Variants in DIP2B observed in about 807,000 individuals in gnomAD.
DIP2B encodes the protein DIP2 acetate--CoA ligase B (putative).
A neutral mutation model predicts 198.0 loss-of-function variants in DIP2B; 76 were observed. The observed-to-expected ratio is 0.38, with a 90% CI of 0.32 to 0.46. DIP2B has a LOEUF of 0.46. Among genes scored for constraint, DIP2B ranks in the 20% least tolerant of loss-of-function variants. DIP2B has a pLI of 0.99. For synonymous variants in DIP2B, 701 were observed against 739.1 expected, an observed-to-expected ratio of 0.95 and a Z score of 0.84; for missense variants, 1,559 against 1,978.4, an observed-to-expected ratio of 0.79 and a Z score of 4.02.
chr12:50,700,889 C>T (rs1939405528), intron 19 of DIP2B, among the ~76,000 whole-genome samples: 1 of 152,162 alleles, frequency 6.6e-6, no homozygotes, highest in Non-Finnish European at 1.5e-5. Flanking sequence ...TTCTGTCACC[C>T]AGGCTGGAAT....
At chr12:50,512,169 T>A (rs1958023843) in intron 1 of DIP2B, among the ~76,000 whole-genome samples, 1 of 146,814 alleles carries the variant, frequency 6.8e-6, no homozygotes, top group Non-Finnish European at 1.5e-5. Context: ...TACAGTGGCG[T>A]GATCTCTGCT....
At chr12:50,634,569 C>A (rs1016536123) in intron 2 of DIP2B, among the ~76,000 whole-genome samples, 1 of 152,118 alleles carries the variant, frequency 6.6e-6, no homozygotes, top group African/African-American at 2.4e-5. Flanking sequence ...TGGCTTGCTC[C>A]GTCACTCTAC....
chr12:50,518,988 C>T (rs1958091133), intron 1 of DIP2B, among the ~76,000 whole-genome samples: 1 of 152,156 alleles, frequency 6.6e-6, no homozygotes, highest in South Asian at 2.1e-4. Flanking sequence ...AAGCAGTCCT[C>T]CTGCCTTGGC....
chr12:50,695,213 A>C, intron 14 of DIP2B, 54 bp from the exon 15 acceptor site: 1 of 1,455,446 alleles, frequency 6.9e-7, no homozygotes, highest in South Asian at 1.2e-5. Flanking sequence ...TCAATTTTAA[A>C]ATACTAAGTA....
intron 31 of DIP2B, among the ~76,000 whole-genome samples, chr12:50,732,135 GAAGA>G (rs1454960951): frequency 6.6e-6 from 1 of 152,220 alleles, no homozygotes; most frequent in Non-Finnish European, 1.5e-5. Context: ...TAGATTTTTA[GAAGA>G]AAGAGGAAAG....
chr12:50,742,767 G>T (rs1162513205), intron 37 of DIP2B, among the ~76,000 whole-genome samples: 1 of 152,018 alleles, frequency 6.6e-6, no homozygotes, highest in Admixed American at 6.6e-5. Context: ...GCAGTGGCAG[G>T]CACCCGTAAT....
intron 1 of DIP2B, among the ~76,000 whole-genome samples, chr12:50,509,615 T>G (rs1957996988): frequency 6.6e-6 from 1 of 152,208 alleles, no homozygotes; most frequent in South Asian, 2.1e-4. Context: ...GGCAAAGGGA[T>G]AAGAGAAGAC....
intron 1 of DIP2B, among the ~76,000 whole-genome samples, chr12:50,523,647 C>G (rs990781082): frequency 1.3e-5 from 2 of 152,148 alleles, no homozygotes; most frequent in African/African-American, 4.8e-5. Flanking sequence ...GGCCTTACCA[C>G]ATATTAAAAC....
Position 50,672,382 on chromosome 12 carries a change from A to G in DIP2B, c.640+984A>G, listed in dbSNP as rs144739352. ...CCCTGCCATTTCCTGAGCCTCCTGAAGCAGCTACAAAGATTTGCGTATTCA... is the reference window on the plus strand; with the variant it reads ...CCCTGCCATTTCCTGAGCCTCCTGAGGCAGCTACAAAGATTTGCGTATTCA... On this transcript the variant is annotated intron_variant, in intron 5 of 37. Transcript: ENST00000301180. 3.5e-3 allele frequency among the ~76,000 whole-genome samples: 536 copies of G among 152,254 alleles called. 1 individual carries two copies. The highest frequency in any genetic ancestry group is 0.034 in the Middle Eastern group (10 of 294).
In DIP2B at chr12:50,640,771, C is replaced by G. The variant is rs921717807; in HGVS notation, c.220C>G (p.Pro74Ala). Reference protein sequence around the residue: ...QKELRNQTPAPSAAQTSAPSK... With the variant: ...QKELRNQTPAASAAQTSAPSK... ...AGAACTTAGAAACCAGACACCTGCT[C>G]CATCTGCAGCTCAAACTTCTGCTCC... The change falls in exon 3 of 38, where the codon CCA becomes GCA. Residue 74 changes from proline (P) to alanine (A), a missense_variant. Coordinates refer to ENST00000301180, the MANE Select transcript of DIP2B (RefSeq NM_173602.3). 9 of 1,613,878 alleles carry G rather than the reference C, an allele frequency of 5.6e-6. No homozygotes were observed. The highest frequency in any genetic ancestry group is 7.6e-6 in the Non-Finnish European group (9 of 1,179,916).
At chr12:50,566,971 CAAAAAAAA>C (rs34854416) in intron 1 of DIP2B, among the ~76,000 whole-genome samples, 1 of 78,446 alleles carries the variant, frequency 1.3e-5, no homozygotes, top group Middle Eastern at 5.9e-3. Context: ...GACTCCGTCT[CAAAAAAAA>C]AAAAAAAAAA....
intron 1 of DIP2B, among the ~76,000 whole-genome samples, chr12:50,605,293 A>AAACCTC (rs1477921625): frequency 7.2e-5 from 11 of 152,186 alleles, no homozygotes; most frequent in Non-Finnish European, 1.6e-4. Context: ...ACTCCAAAAG[A>AAACCTC]AACCTCAGCC....
intron 3 of DIP2B, among the ~76,000 whole-genome samples, chr12:50,647,116 A>C (rs1168008659): frequency 1.3e-5 from 2 of 151,522 alleles, no homozygotes; most frequent in African/African-American, 4.9e-5. Context: ...GGAGTGACAC[A>C]ATCTCGTCTC....
At chr12:50,703,734 A>AAATTG (rs1291894502) in intron 19 of DIP2B, among the ~76,000 whole-genome samples, 1 of 152,222 alleles carries the variant, frequency 6.6e-6, no homozygotes, top group Non-Finnish European at 1.5e-5. Context: ...GCAGAGCCAG[A>AAATTG]AATTGAATTG....
chr12:50,726,891 TCAC>T (rs1939946753), intron 28 of DIP2B, among the ~76,000 whole-genome samples: 1 of 152,058 alleles, frequency 6.6e-6, no homozygotes, highest in Non-Finnish European at 1.5e-5. Context: ...GGCAGGAGGA[TCAC>T]TTGGGCTCAG....
intron 1 of DIP2B, among the ~76,000 whole-genome samples, chr12:50,530,468 G>C (rs901489229): frequency 1.3e-5 from 2 of 152,212 alleles, no homozygotes; most frequent in African/African-American, 4.8e-5. Flanking sequence ...TTGTAAGCAG[G>C]AGTGGATGAC....
chr12:50,582,794 C>A (rs947153599), intron 1 of DIP2B, among the ~76,000 whole-genome samples: 1 of 152,170 alleles, frequency 6.6e-6, no homozygotes, highest in African/African-American at 2.4e-5. Flanking sequence ...ATTTCACTTA[C>A]AAGTACGTAA....
In DIP2B at chr12:50,626,061, A is replaced by T; in HGVS notation, c.172+14A>T. The stretch of plus-strand genomic sequence containing the variant: ...CGCAGACACAAGGTAGGCAATAAAA[A>T]ATGGTTTCAACTTTTTCAGTATTTT... On this transcript the variant is annotated intron_variant, in intron 2 of 37. Transcript: ENST00000301180. 1 of 1,613,402 alleles carries T rather than the reference A, an allele frequency of 6.2e-7. No homozygotes were observed. Among genetic ancestry groups the T allele is most frequent in the South Asian group, 1.1e-5 (1 of 90,928 alleles).
chr12:50,542,858 GTTTCT>G (rs1399558664), intron 1 of DIP2B, among the ~76,000 whole-genome samples: 1 of 152,004 alleles, frequency 6.6e-6, no homozygotes, highest in Non-Finnish European at 1.5e-5. Context: ...CTGTTCAGAG[GTTTCT>G]TTTCTTTTTC....
Sources: gnomAD v4.1 joint callset for allele counts (sites outside exome capture counted in the v4.1 genomes callset) on GRCh38, gnomAD v4.1.1 for gene constraint, MANE v1.5 for transcripts, NCBI Gene and HGNC (gene_info 2026-07-23, HGNC 2026-07-21) for gene names.